RAB3B: variants seen among roughly 807,000 people sequenced by gnomAD.
RAB3B encodes the protein ras-related protein Rab-3B.
A neutral mutation model predicts 20.5 loss-of-function variants in RAB3B; 11 were observed. The observed-to-expected ratio is 0.54, with a 90% confidence interval of 0.34 to 0.89. The LOEUF is 0.89. RAB3B is among the 40% of genes least tolerant of loss of function. RAB3B has a pLI of 0.02. For synonymous variants in RAB3B, 99 were observed against 106.3 expected (o/e 0.93, Z 0.42); for missense variants, 225 against 280.9 (o/e 0.80, Z 1.42).
intron 1 of RAB3B, among the ~76,000 whole-genome samples, chr1:51,978,156 T>A (rs1196809971): frequency 6.6e-6 from 1 of 152,214 alleles, no homozygotes; most frequent in Non-Finnish European, 1.5e-5. Context: ...TTCAGCACTG[T>A]TGGAATGAGC....
rs947035437 is a variant in RAB3B, at chr1:51,908,908, A to C, written c.*11019T>G. On this transcript the variant is annotated 3_prime_UTR_variant, in exon 5 of 5. Coordinates refer to ENST00000371655, the MANE Select transcript of RAB3B (RefSeq NM_002867.4). ...CAAAGATCATCAGGGCATGGATGGGAAAGTGCTTTGGGAACTGTAAAGTGC... is the reference window on the plus strand; with the variant it reads ...CAAAGATCATCAGGGCATGGATGGGCAAGTGCTTTGGGAACTGTAAAGTGC... 1 of 152,228 alleles carries C rather than the reference A, an allele frequency of 6.6e-6. No individual in the cohort carries two copies. The highest frequency in any genetic ancestry group is 1.5e-5 in the Non-Finnish European group (1 of 68,070). 9.4% of individuals were successfully genotyped at this position (152,228 alleles called of 1,614,324 possible).
chr1:51,931,068 C>A (rs1393422859), intron 4 of RAB3B, among the ~76,000 whole-genome samples: 1 of 151,828 alleles, frequency 6.6e-6, no homozygotes, highest in African/African-American at 2.4e-5. Flanking sequence ...ATATTTTTTT[C>A]TAATACATAT....
intron 2 of RAB3B, among the ~76,000 whole-genome samples, chr1:51,967,185 T>C (rs900269783): frequency 2.6e-5 from 4 of 152,044 alleles, no homozygotes; most frequent in African/African-American, 9.7e-5. Context: ...TGGTGGTACA[T>C]GCCTGTAATC....
At chr1:51,942,264 G>A (rs1022400621) in intron 2 of RAB3B, among the ~76,000 whole-genome samples, 4 of 152,160 alleles carry the variant, frequency 2.6e-5, no homozygotes, top group South Asian at 4.1e-4. Context: ...TGAGAGTGTC[G>A]AGTCTTCCAT....
At position 51,967,521 on chromosome 1, in the gene RAB3B, C is replaced by CTTTTTTT. The variant is rs71041868; in HGVS notation, c.228+9362_228+9368dup. On this transcript the variant is annotated intron_variant, in intron 2 of 4. Coordinates refer to ENST00000371655, the MANE Select transcript of RAB3B (RefSeq NM_002867.4). Reference sequence around the variant, plus strand: ...TTCCTTTTTCTTTTCTTTTCTTTTTCTTTTTTTTTTTTTTTTTTGAGATAG... The same window carrying CTTTTTTT: ...TTCCTTTTTCTTTTCTTTTCTTTTTCTTTTTTTTTTTTTTTTTTTTTTTTTGAGATAG... Among the ~76,000 whole-genome samples the CTTTTTTT allele has an allele frequency of 6.0e-4, 22 of 36,498 alleles. 2 individuals carry two copies. Among genetic ancestry groups the CTTTTTTT allele is most frequent in the African/African-American group, 1.2e-3 (17 of 14,610 alleles). 23.9% of individuals were successfully genotyped at this position (36,498 alleles called of 152,430 possible).
At chr1:51,989,274 T>C (rs1405633919) in intron 1 of RAB3B, among the ~76,000 whole-genome samples, 1 of 147,448 alleles carries the variant, frequency 6.8e-6, no homozygotes, top group African/African-American at 2.6e-5. Flanking sequence ...GGCCCATCTT[T>C]CTCCCACCTC....
chr1:51,932,104 G>C (rs1015565317), intron 4 of RAB3B, among the ~76,000 whole-genome samples: 1 of 152,012 alleles, frequency 6.6e-6, no homozygotes, highest in Non-Finnish European at 1.5e-5. Context: ...CAGTTTACAG[G>C]ACACCTTGGG....
rs1321237352 is a variant in RAB3B, at chr1:51,917,603, C to T, written c.*2324G>A. ...TCTTATTCTTACTCTGTCACCCAGA[C>T]TGGAATGCAGTGGCATAATTACAGC... is the stretch of plus-strand genomic sequence containing the variant. On this transcript the variant is annotated 3_prime_UTR_variant, in exon 5 of 5. Coordinates refer to ENST00000371655, the MANE Select transcript of RAB3B (RefSeq NM_002867.4). 6.6e-6 allele frequency: 1 copy of T among 152,198 alleles called. No individual in the cohort carries two copies. The highest frequency in any genetic ancestry group is 2.4e-5 in the African/African-American group (1 of 41,444). 9.4% of individuals were successfully genotyped at this position (152,198 alleles called of 1,614,324 possible).
At chr1:51,970,211 G>A (rs934463188) in intron 2 of RAB3B, among the ~76,000 whole-genome samples, 1 of 152,076 alleles carries the variant, frequency 6.6e-6, no homozygotes, top group African/African-American at 2.4e-5. Context: ...TCTGCAATGG[G>A]CCCCACATAG....
intron 4 of RAB3B, among the ~76,000 whole-genome samples, chr1:51,928,398 A>C (rs552390255): frequency 6.6e-6 from 1 of 152,318 alleles, no homozygotes; most frequent in African/African-American, 2.4e-5. Flanking sequence ...TGAGCCACCA[A>C]GCCCAGCCTC....
Position 51,919,940 on chromosome 1 carries a change from T to G in RAB3B, c.647A>C (p.Asn216Thr). 1.9e-6 allele frequency: 3 copies of G among 1,613,284 alleles called. No individual in the cohort carries two copies. Among genetic ancestry groups the G allele is most frequent in the Non-Finnish European group, 2.5e-6 (3 of 1,179,670 alleles). The change falls in exon 5 of 5, where the codon AAC (asparagine) becomes ACC (threonine). Residue 216 changes from asparagine to threonine, a missense_variant. By Grantham distance (65) the Asn-to-Thr change is moderately conservative (BLOSUM62 0). Coordinates refer to ENST00000371655, the MANE Select transcript of RAB3B (RefSeq NM_002867.4). ...LSDTPPLLQQ[N>T]CSC ...GGTGGGCCTTGCCTAGCATGAGCAG[T>G]TCTGCTGCAGCAGCGGTGGGGTGTC... is the stretch of plus-strand genomic sequence containing the variant.
At chr1:51,984,080 T>C (rs112245716) in intron 1 of RAB3B, among the ~76,000 whole-genome samples, 1 of 151,352 alleles carries the variant, frequency 6.6e-6, no homozygotes, top group South Asian at 2.1e-4. Flanking sequence ...CTGGCCAACA[T>C]GGTGAAACCC....
At chr1:51,970,019 G>A (rs1344762682) in intron 2 of RAB3B, among the ~76,000 whole-genome samples, 1 of 151,458 alleles carries the variant, frequency 6.6e-6, no homozygotes, top group Non-Finnish European at 1.5e-5. Flanking sequence ...CCAGTGACCT[G>A]AGATCGCACC....
At chr1:51,921,687 T>C (rs375899291) in intron 4 of RAB3B, among the ~76,000 whole-genome samples, 1 of 152,204 alleles carries the variant, frequency 6.6e-6, no homozygotes, top group Admixed American at 6.5e-5. Context: ...CAAACAACAG[T>C]GTCTTCCTAC....
At chr1:51,973,716 C>T (rs1684967550) in intron 2 of RAB3B, among the ~76,000 whole-genome samples, 2 of 152,158 alleles carry the variant, frequency 1.3e-5, no homozygotes, top group Admixed American at 6.5e-5. Flanking sequence ...TTAGTTAAAA[C>T]TAGACCATGT....
chr1:51,924,484 G>A (rs950211157), intron 4 of RAB3B, among the ~76,000 whole-genome samples: 1 of 152,170 alleles, frequency 6.6e-6, no homozygotes, highest in African/African-American at 2.4e-5. Flanking sequence ...ACAGGCAGGG[G>A]AGACAGCATG....
intron 2 of RAB3B, among the ~76,000 whole-genome samples, chr1:51,968,637 A>G (rs762340441): frequency 2.6e-5 from 4 of 152,138 alleles, no homozygotes; most frequent in Non-Finnish European, 5.9e-5. Context: ...ACTCCCTTAC[A>G]TTTCAGCTAT....
intron 2 of RAB3B, among the ~76,000 whole-genome samples, chr1:51,972,489 C>CTT (rs1160625371): frequency 1.8e-4 from 23 of 130,864 alleles, no homozygotes; most frequent in African/African-American, 4.0e-4. Context: ...TTTCTTTTTT[C>CTT]TTTTTTTTTT....
intron 4 of RAB3B, among the ~76,000 whole-genome samples, chr1:51,924,423 A>T (rs1684215774): frequency 6.6e-6 from 1 of 152,220 alleles, no homozygotes; most frequent in Non-Finnish European, 1.5e-5. Context: ...CTAGACAAAG[A>T]CATGTCACTG....
Sources: allele counts gnomAD v4.1 joint callset (sites outside exome capture counted in the v4.1 genomes callset), GRCh38; gene constraint gnomAD v4.1.1; transcripts MANE v1.5; gene names NCBI Gene and HGNC (gene_info 2026-07-23, HGNC 2026-07-21).